ZNF77: variants seen among roughly 807,000 people sequenced by gnomAD.
ZNF77 encodes ZNFpT1.
In ZNF77, 15 loss-of-function variants were observed where a neutral mutation model predicts 13.5. That is an observed-to-expected ratio of 1.11 (90% CI 0.74 to 1.71). ZNF77 has a LOEUF of 1.71. ZNF77 is among the 40% of genes most tolerant of loss of function. The probability of loss-of-function intolerance (pLI) is 0.00; values close to 1 mark genes in which losing one functional copy is unlikely to be tolerated. For synonymous variants in ZNF77, 282 were observed against 250.0 expected (o/e 1.13, Z -1.21); for missense variants, 717 against 676.4 (o/e 1.06, Z -0.67).
rs2088455196 is a variant in ZNF77 at position 2,942,228 on chromosome 19, C to CACCTGGCT, written c.3+2602_3+2609dup. ...CTGGGATTGCAGGCACTTGCCATCA[C>CACCTGGCT]ACCTGGCTAATTTTGATATTTTTAG... On this transcript the variant is annotated intron_variant, in intron 1 of 3. Coordinates refer to ENST00000314531, the MANE Select transcript of ZNF77 (RefSeq NM_021217.3). 2.6e-5 allele frequency among the ~76,000 whole-genome samples: 4 copies of CACCTGGCT among 152,020 alleles called. No homozygotes were observed. The South Asian group carries it at 8.3e-4, about 32-fold the overall frequency.
chr19:2,944,914 A>C lies in ZNF77; in HGVS notation c.-74T>G. 2 of 1,480,958 alleles carry C rather than the reference A, an allele frequency of 1.4e-6. No homozygotes were observed. Among genetic ancestry groups the C allele is most frequent in the Non-Finnish European group, 1.8e-6 (2 of 1,121,778 alleles). The allele number at this position is 1,480,958 out of a possible 1,614,324, so 91.7% of individuals were successfully genotyped here. ...GACCGGCGCAGGTGAGCACGACAGG[A>C]CACCTGAGCCGCTCGGGGTAGGCGG... On this transcript the variant is annotated 5_prime_UTR_variant, in exon 1 of 4. Coordinates refer to ENST00000314531, the MANE Select transcript of ZNF77 (RefSeq NM_021217.3).
In ZNF77 at chr19:2,936,567, C is replaced by G. The variant is rs974589154; in HGVS notation, c.268G>C (p.Asp90His). ...ATTTGGTGCTGATCTCCAGTGTTAT[C>G]AAATCTCCAATTTTCTCCAAAAATA... Reference protein sequence around the residue: ...WSIFGENWRFDNTGDQHQIPQ... With the variant: ...WSIFGENWRFHNTGDQHQIPQ... Residue 90 changes from aspartate to histidine, a missense_variant, in exon 3 of 4, where the codon GAT (aspartate) becomes CAT (histidine). By Grantham distance (81) the Asp-to-His change is moderately conservative (BLOSUM62 -1). Transcript: ENST00000314531. 2 of 1,611,196 alleles carry G rather than the reference C, an allele frequency of 1.2e-6. No individual in the cohort carries two copies. Among genetic ancestry groups the G allele is most frequent in the African/African-American group, 2.7e-5 (2 of 74,732 alleles).
Position 2,933,977 on chromosome 19 carries a change from G to C in ZNF77, c.1150C>G (p.Gln384Glu). The C allele has an allele frequency of 6.2e-7, 1 of 1,614,122 alleles. No individual in the cohort carries two copies. The highest frequency in any genetic ancestry group is 8.5e-7 in the Non-Finnish European group (1 of 1,180,036). Residue 384 changes from glutamine (Q) to glutamate (E), a missense_variant, in exon 4 of 4, where the codon CAG (glutamine) becomes GAG (glutamate). Transcript: ENST00000314531. Reference protein sequence around the residue: ...HTGEKPYVCKQCGKAFGCPTY... With the variant: ...HTGEKPYVCKECGKAFGCPTY... ...GGACATCCGAAGGCCTTCCCACACT[G>C]CTTGCACACATAGGGCTTCTCTCCG...
chr19:2,935,175 C>A (rs1210955089), intron 3 of ZNF77, among the ~76,000 whole-genome samples: 2 of 151,638 alleles, frequency 1.3e-5, no homozygotes, highest in African/African-American at 2.4e-5. Context: ...CCTGCCACCA[C>A]GCCTGGCTAA....
intron 3 of ZNF77, among the ~76,000 whole-genome samples, chr19:2,935,880 G>A (rs1334786323): frequency 6.6e-6 from 1 of 151,976 alleles, no homozygotes; most frequent in Non-Finnish European, 1.5e-5. Flanking sequence ...GCCAGGTGCA[G>A]TGGTGTGTGC....
At chr19:2,937,648 T>C (rs1006835217) in intron 2 of ZNF77, among the ~76,000 whole-genome samples, 1 of 152,122 alleles carries the variant, frequency 6.6e-6, no homozygotes, top group South Asian at 2.1e-4. Flanking sequence ...TCCAGAGGCT[T>C]TCCCCTGCGA....
Position 2,936,577 on chromosome 19 carries a change from A to T in ZNF77, c.258T>A (p.Asn86Lys). 6.2e-7 allele frequency: 1 copy of T among 1,611,456 alleles called. No individual in the cohort carries two copies. Among genetic ancestry groups the T allele is most frequent in the Non-Finnish European group, 8.5e-7 (1 of 1,179,328 alleles). ...GATCTCCAGTGTTATCAAATCTCCA[A>T]TTTTCTCCAAAAATAGACCAGGAAT... ...GSDSWSIFGE[N>K]WRFDNTGDQH... The change falls in exon 3 of 4, where the codon AAT (asparagine) becomes AAA (lysine). Residue 86 changes from asparagine (N) to lysine (K), a missense_variant. Transcript: ENST00000314531.
intron 1 of ZNF77, among the ~76,000 whole-genome samples, 174 bp downstream of exon 1, chr19:2,944,664 A>C (rs1246089828): frequency 6.6e-6 from 1 of 151,936 alleles, no homozygotes; most frequent in Non-Finnish European, 1.5e-5. Context: ...GTCACCCCAG[A>C]CTGCCCCCAG....
chr19:2,933,494 C>A lies in ZNF77; in HGVS notation c.1633G>T (p.Ala545Ser). The A allele has an allele frequency of 6.4e-7, 1 of 1,559,640 alleles. No homozygotes were observed. Among genetic ancestry groups the A allele is most frequent in the Non-Finnish European group, 8.7e-7 (1 of 1,149,702 alleles). The change falls in exon 4 of 4, where the codon GCG becomes TCG. Residue 545 changes from alanine to serine, a missense_variant. Coordinates refer to ENST00000314531, the MANE Select transcript of ZNF77 (RefSeq NM_021217.3). The stretch of plus-strand genomic sequence containing the variant: ...GGTCCACTGTATTCGTAGATTCACG[C>A]TCCAGCATGTGTTCTCACATGTGCT... ...LQAHVRTHAGA is the reference protein window; with the variant it reads ...LQAHVRTHAGS
intron 3 of ZNF77, among the ~76,000 whole-genome samples, chr19:2,935,951 G>C (rs953244311): frequency 6.6e-6 from 1 of 151,930 alleles, no homozygotes; most frequent in Non-Finnish European, 1.5e-5. Flanking sequence ...AGGAGGCAAA[G>C]GTTGCAGTGA....
In ZNF77 at chr19:2,933,931, A is replaced by C. The variant is rs200535011; in HGVS notation, c.1196T>G (p.Val399Gly). The C allele has an allele frequency of 1.2e-4, 199 of 1,613,780 alleles. No individual in the cohort carries two copies. In the East Asian group the frequency reaches 4.4e-3, roughly 35 times the overall value. Residue 399 changes from valine to glycine, a missense_variant, in exon 4 of 4, where the codon GTG becomes GGG. Coordinates refer to ENST00000314531, the MANE Select transcript of ZNF77 (RefSeq NM_021217.3). ...GGGCTTCACCCCGCTGTGTGTTTTC[A>C]CATGTCTTCTAAAGTAAGTGGGACA... ...FGCPTYFRRH[V>G]KTHSGVKPYQ...
chr19:2,936,072 T>G (rs1416179113), intron 3 of ZNF77, among the ~76,000 whole-genome samples: 6 of 137,978 alleles, frequency 4.3e-5, no homozygotes, highest in African/African-American at 1.6e-4. Flanking sequence ...AAAGTAATTA[T>G]TAAAATATAT....
intron 1 of ZNF77, 96 bp downstream of exon 1, chr19:2,944,742 T>TC: frequency 7.0e-7 from 1 of 1,428,630 alleles, no homozygotes; most frequent in Non-Finnish European, 9.2e-7. Flanking sequence ...GCCCCGCGCG[T>TC]CCCTCAGCTT....
At position 2,933,835 on chromosome 19, in the gene ZNF77, G is replaced by C. The variant is rs754630281; in HGVS notation, c.1292C>G (p.Thr431Ser). 26 of 1,613,454 alleles carry C rather than the reference G, an allele frequency of 1.6e-5. No homozygotes were observed. In the Admixed American group the frequency reaches 3.7e-4, roughly 23 times the overall value. ...CTTACACTCAAAGGGCTTCTCTCCA[G>C]TATGCGTCCTCACGTGGATTCGAAG... Reference protein sequence around the residue: ...SSLRIHVRTHTGEKPFECKHC... With the variant: ...SSLRIHVRTHSGEKPFECKHC... Residue 431 changes from threonine (T) to serine (S), a missense_variant, in exon 4 of 4, where the codon ACT (threonine) becomes AGT (serine). Physicochemically the swap from Thr to Ser is moderately conservative, Grantham distance 58. Coordinates refer to ENST00000314531, the MANE Select transcript of ZNF77 (RefSeq NM_021217.3).
rs1024699263 is a variant in ZNF77, at chr19:2,944,868, G to A, written c.-28C>T. 19 of 1,523,834 alleles carry A rather than the reference G, an allele frequency of 1.2e-5. No homozygotes were observed. Among genetic ancestry groups the A allele is most frequent in the Non-Finnish European group, 1.6e-5 (18 of 1,141,844 alleles). 94.4% of individuals were successfully genotyped at this position (1,523,834 alleles called of 1,614,324 possible). A position where few individuals can be genotyped will look rare whatever the true frequency, so the allele number is the denominator to read the frequency against. On this transcript the variant is annotated 5_prime_UTR_variant, in exon 1 of 4. Coordinates refer to ENST00000314531, the MANE Select transcript of ZNF77 (RefSeq NM_021217.3). Reference sequence around the variant, plus strand: ...CCCGCCCGCTCCTGGGCTCTCCAGGGTTAGCGCCCCGCGGTCCAGCGACCG... The same window carrying A: ...CCCGCCCGCTCCTGGGCTCTCCAGGATTAGCGCCCCGCGGTCCAGCGACCG...
intron 2 of ZNF77, among the ~76,000 whole-genome samples, chr19:2,937,708 A>G (rs2088410218): frequency 6.6e-6 from 1 of 151,688 alleles, no homozygotes; most frequent in Non-Finnish European, 1.5e-5. Context: ...GGCAGCTGAG[A>G]GAGGACACAC....
intron 1 of ZNF77, among the ~76,000 whole-genome samples, chr19:2,943,352 T>G (rs933791463): frequency 1.3e-5 from 2 of 152,014 alleles, no homozygotes; most frequent in African/African-American, 2.4e-5. Flanking sequence ...AAAGTTTCCT[T>G]ACTACGTTTG....
intron 3 of ZNF77, among the ~76,000 whole-genome samples, chr19:2,935,854 A>C (rs1178028579): frequency 6.6e-6 from 1 of 151,858 alleles, no homozygotes; most frequent in East Asian, 1.9e-4. Context: ...CCGTCTCTAC[A>C]AAAACACAAA....
chr19:2,937,999 C>G (rs940454519), intron 2 of ZNF77, among the ~76,000 whole-genome samples: 1 of 152,162 alleles, frequency 6.6e-6, no homozygotes, highest in African/African-American at 2.4e-5. Context: ...TTAGGTGAAC[C>G]ACCCACCTAG....
Sources: allele counts gnomAD v4.1 joint callset (sites outside exome capture counted in the v4.1 genomes callset), GRCh38; gene constraint gnomAD v4.1.1; transcripts MANE v1.5; gene names NCBI Gene and HGNC (gene_info 2026-07-23, HGNC 2026-07-21).